Variants in COL6A5 observed in about 807,000 individuals in gnomAD.
The protein encoded by COL6A5 is collagen type VI alpha 5 chain, also known as collagen alpha-5(VI) chain.
COL6A5 carries 48 observed loss-of-function variants against 65.6 expected under a neutral mutation model. The ratio of observed to expected loss-of-function variants is 0.73; its 90% CI spans 0.58 to 0.93. The LOEUF is 0.93. Ranked by LOEUF, COL6A5 falls within the 40% of genes least tolerant of loss-of-function variation. The probability of loss-of-function intolerance (pLI) is 0.00; values close to 1 mark genes in which losing one functional copy is unlikely to be tolerated. For synonymous variants in COL6A5, 291 were observed against 322.8 expected, an observed-to-expected ratio of 0.90 and a Z score of 1.05; for missense variants, 914 against 928.3, an observed-to-expected ratio of 0.98 and a Z score of 0.20.
chr3:130,461,560 A>G (rs1378616689), intron 5 of COL6A5, among the ~76,000 whole-genome samples: 2 of 152,102 alleles, frequency 1.3e-5, no homozygotes, highest in African/African-American at 2.4e-5. Context: ...ATCCAAAAAC[A>G]TGACCTTCAA....
exon 24 of COL6A5, chr3:130,416,767 G>T (rs1937352642): frequency 6.5e-7 from 1 of 1,534,576 alleles, no homozygotes; most frequent in South Asian, 1.2e-5. Context: ...GGTTCTCCTG[G>T]GCTAATGGGA....
At chr3:130,375,723 G>C (rs575534470) in intron 2 of COL6A5, among the ~76,000 whole-genome samples, 1 of 152,218 alleles carries the variant, frequency 6.6e-6, no homozygotes, top group African/African-American at 2.4e-5. Context: ...GGCAGAAGTG[G>C]AAGCAAACAT....
intron 11 of COL6A5, 126 bp downstream of exon 11, chr3:130,401,299 A>G: frequency 1.2e-6 from 1 of 822,718 alleles, no homozygotes; most frequent in Middle Eastern, 2.3e-4. Flanking sequence ...TCCTTAGTAT[A>G]TAAAAAAGTG....
chr3:130,460,795 T>A (rs1709685886), intron 5 of COL6A5, among the ~76,000 whole-genome samples: 1 of 150,720 alleles, frequency 6.6e-6, no homozygotes, highest in South Asian at 2.1e-4. Flanking sequence ...GATAAAAGTA[T>A]GAAGGTGGGG....
At chr3:130,480,837 G>T (rs1008542188) in intron 7 of COL6A5, among the ~76,000 whole-genome samples, 2 of 152,072 alleles carry the variant, frequency 1.3e-5, no homozygotes, top group African/African-American at 4.8e-5. Context: ...GAATTTCTGT[G>T]CATGTGAGTT....
At chr3:130,455,578 C>T (rs1448182159) in exon 5 of COL6A5, 1 of 1,612,672 alleles carries the variant, frequency 6.2e-7, no homozygotes, top group Admixed American at 1.7e-5. Flanking sequence ...ATTTGGTTTA[C>T]CTTCCAAGCC....
chr3:130,352,146 G>A (rs1410827392), intron 1 of COL6A5, among the ~76,000 whole-genome samples: 1 of 152,128 alleles, frequency 6.6e-6, no homozygotes, highest in Non-Finnish European at 1.5e-5. Context: ...ATCACACACT[G>A]GGGCCTGTCA....
intron 29 of COL6A5, 139 bp from the exon 30 acceptor site, chr3:130,426,075 G>A: frequency 1.3e-6 from 1 of 755,408 alleles, no homozygotes; most frequent in East Asian, 2.7e-5. Context: ...TTAATCCACT[G>A]GGTTCAGGAA....
At chr3:130,355,676 A>C (rs1235364410) in intron 1 of COL6A5, among the ~76,000 whole-genome samples, 1 of 152,036 alleles carries the variant, frequency 6.6e-6, no homozygotes, top group Non-Finnish European at 1.5e-5. Flanking sequence ...TGAAAGGGAA[A>C]TAGAAAATGA....
chr3:130,361,409 GATAGT>G (rs1440474717), intron 1 of COL6A5, among the ~76,000 whole-genome samples: 1 of 151,926 alleles, frequency 6.6e-6, no homozygotes, highest in East Asian at 1.9e-4. Context: ...TTAATGGCTT[GATAGT>G]ATATTTCATT....
At chr3:130,410,058 G>C in exon 19 of COL6A5, 1 of 1,548,960 alleles carries the variant, frequency 6.5e-7, no homozygotes, top group Non-Finnish European at 8.7e-7. Flanking sequence ...GGCTCCAAAG[G>C]AGAACAAGGA....
intron 20 of COL6A5, 72 bp downstream of exon 20, chr3:130,410,596 T>C: frequency 7.8e-7 from 1 of 1,288,732 alleles, no homozygotes; most frequent in Non-Finnish European, 1.1e-6. Context: ...AGAATATTTG[T>C]TGTGCACAGT....
At chr3:130,359,644 TC>T (rs1366876367) in intron 1 of COL6A5, among the ~76,000 whole-genome samples, 1 of 152,122 alleles carries the variant, frequency 6.6e-6, no homozygotes, top group East Asian at 1.9e-4. Context: ...ATTTTTTAAT[TC>T]ATTTTATTAT....
At chr3:130,444,126 C>A (rs1190489055) in intron 4 of COL6A5, among the ~76,000 whole-genome samples, 1 of 152,182 alleles carries the variant, frequency 6.6e-6, no homozygotes, top group African/African-American at 2.4e-5. Context: ...CTGTTTTCCA[C>A]CCGGCTCACC....
chr3:130,415,006 T>C (rs967300581), intron 22 of COL6A5, among the ~76,000 whole-genome samples: 7 of 151,986 alleles, frequency 4.6e-5, no homozygotes, highest in Non-Finnish European at 7.4e-5. Flanking sequence ...GACAGTTACT[T>C]CAGATACCTC....
intron 10 of COL6A5, among the ~76,000 whole-genome samples, chr3:130,398,674 C>T (rs999377212): frequency 6.6e-6 from 1 of 152,116 alleles, no homozygotes; most frequent in East Asian, 1.9e-4. Flanking sequence ...TGTACCTGGA[C>T]GTGCTTGGAA....
intron 7 of COL6A5, chr3:130,471,922 A>G: frequency 6.5e-7 from 1 of 1,534,586 alleles, no homozygotes; most frequent in East Asian, 2.4e-5. Context: ...AGCAAGAAAA[A>G]GAAGGTAATC....
chr3:130,352,910 C>CTT (rs1252696140), intron 1 of COL6A5, among the ~76,000 whole-genome samples: 4 of 152,100 alleles, frequency 2.6e-5, no homozygotes, highest in African/African-American at 9.7e-5. Flanking sequence ...GGGCAGGGTG[C>CTT]TTGATATCAC....
chr3:130,387,999 A>G (rs1936259275), intron 5 of COL6A5, among the ~76,000 whole-genome samples: 1 of 151,918 alleles, frequency 6.6e-6, no homozygotes, highest in Non-Finnish European at 1.5e-5. Flanking sequence ...TACAAATATT[A>G]TGTATAAAGG....
Sources: gnomAD v4.1 joint callset for allele counts (sites outside exome capture counted in the v4.1 genomes callset) on GRCh38, gnomAD v4.1.1 for gene constraint, MANE v1.5 for transcripts, NCBI Gene and HGNC (gene_info 2026-07-23, HGNC 2026-07-21) for gene names.